PAX7: variants seen among roughly 807,000 people sequenced by gnomAD.
The protein encoded by PAX7 is paired box 7.
In PAX7, 18 loss-of-function variants were observed where a neutral mutation model predicts 50.7. The ratio of observed to expected loss-of-function variants is 0.36; its 90% confidence interval spans 0.25 to 0.53. PAX7 has a LOEUF of 0.53. Ranked by LOEUF, PAX7 falls within the 20% of genes least tolerant of loss-of-function variation. PAX7 has a pLI of 0.93. For missense variants in PAX7, 644 were observed against 702.9 expected (o/e 0.92, Z 0.95); for synonymous variants, 310 against 290.4 (o/e 1.07, Z -0.69).
chr1:18,698,695 G>A (rs890737907), intron 5 of PAX7, among the ~76,000 whole-genome samples: 1 of 152,138 alleles, frequency 6.6e-6, no homozygotes, highest in Non-Finnish European at 1.5e-5. Context: ...AGGGTGCCCC[G>A]GGGAAACCCT....
In PAX7 at chr1:18,700,880, C is replaced by G; in HGVS notation, c.952+62C>G. Reference sequence around the variant, plus strand: ...GCCCCTTCCCTTCTTTCTTTACTTTCACTTACAAAGGCTCTTCTTTTTTTT... The same window carrying G: ...GCCCCTTCCCTTCTTTCTTTACTTTGACTTACAAAGGCTCTTCTTTTTTTT... On this transcript the variant is annotated intron_variant, in intron 6 of 8. Transcript: ENST00000420770. This position sits in a 1 kb window ranked among gnomAD's most constrained non-coding sequence, Gnocchi z 4.8. The G allele has an allele frequency of 7.8e-7, 1 of 1,289,942 alleles. No homozygotes were observed. Among genetic ancestry groups the G allele is most frequent in the Non-Finnish European group, 1.0e-6 (1 of 991,118 alleles). The allele number at this position is 1,289,942 out of a possible 1,614,324, so 79.9% of individuals were successfully genotyped here. A position where few individuals can be genotyped will look rare whatever the true frequency, so the allele number is the denominator to read the frequency against.
At chr1:18,644,918 A>C (rs1455574211) in intron 4 of PAX7, among the ~76,000 whole-genome samples, 1 of 152,206 alleles carries the variant, frequency 6.6e-6, no homozygotes, top group Non-Finnish European at 1.5e-5. Flanking sequence ...TTTTTGGAGC[A>C]CCTACTAGGT....
intron 4 of PAX7, among the ~76,000 whole-genome samples, chr1:18,647,111 C>T (rs1341030793): frequency 1.3e-5 from 2 of 151,948 alleles, no homozygotes; most frequent in Non-Finnish European, 2.9e-5. Flanking sequence ...CACAACAAAA[C>T]CGAGCTCCGG....
Position 18,748,781 on chromosome 1 carries a change from G to A in PAX7, c.*3852G>A. 4.5e-6 allele frequency: 1 copy of A among 223,282 alleles called. No homozygotes were observed. Among genetic ancestry groups the A allele is most frequent in the Non-Finnish European group, 8.9e-6 (1 of 111,800 alleles). 13.8% of individuals were successfully genotyped at this position (223,282 alleles called of 1,614,324 possible). A position where few individuals can be genotyped will look rare whatever the true frequency, so the allele number is the denominator to read the frequency against. ...GAGTAGTAGACTAGAAAGAGAAACT[G>A]GTATTTGCTTTAACTACCTGCTGCT... On this transcript the variant is annotated 3_prime_UTR_variant, in exon 9 of 9. Coordinates refer to ENST00000420770, the MANE Select transcript of PAX7 (RefSeq NM_001135254.2).
intron 4 of PAX7, among the ~76,000 whole-genome samples, chr1:18,668,325 G>C (rs1033527706): frequency 6.6e-6 from 1 of 152,208 alleles, no homozygotes; most frequent in Non-Finnish European, 1.5e-5. Context: ...ATCTCACAGA[G>C]CTGTAAGGCA....
chr1:18,716,990 C>T (rs1420467671), intron 7 of PAX7, among the ~76,000 whole-genome samples: 1 of 145,692 alleles, frequency 6.9e-6, no homozygotes, highest in African/African-American at 2.5e-5. Context: ...GCGGCCGGAG[C>T]GGGGATCGGG....
chr1:18,639,827 C>A (rs1236958279), intron 4 of PAX7, among the ~76,000 whole-genome samples: 1 of 152,148 alleles, frequency 6.6e-6, no homozygotes, highest in Non-Finnish European at 1.5e-5. Context: ...TGACAGTGCA[C>A]CAGTTTAAGC....
chr1:18,630,889 C>A lies in PAX7; in HGVS notation c.-715C>A, dbSNP rs148556680. ...ACCCAGCTGATCACTCGCGCCCCCT[C>A]GCTTTTCCATTTCTCTTTCCCCAAC... On this transcript the variant is annotated 5_prime_UTR_variant, in exon 1 of 9. Coordinates refer to ENST00000420770, the MANE Select transcript of PAX7 (RefSeq NM_001135254.2). 5.3e-4 allele frequency: 101 copies of A among 189,284 alleles called. No homozygotes were observed. Among genetic ancestry groups the A allele is most frequent in the Non-Finnish European group, 1.0e-3 (91 of 89,940 alleles). The allele number at this position is 189,284 out of a possible 1,614,324, so 11.7% of individuals were successfully genotyped here. A position where few individuals can be genotyped will look rare whatever the true frequency, so the allele number is the denominator to read the frequency against.
chr1:18,719,265 T>C (rs1414817331), intron 7 of PAX7, among the ~76,000 whole-genome samples: 2 of 152,164 alleles, frequency 1.3e-5, no homozygotes, highest in African/African-American at 2.4e-5. Context: ...CTGGGAAATC[T>C]TTTCAAGCAT....
intron 4 of PAX7, among the ~76,000 whole-genome samples, chr1:18,685,285 T>C (rs2088958532): frequency 6.6e-6 from 1 of 152,204 alleles, no homozygotes; most frequent in South Asian, 2.1e-4. Context: ...GAGTGTTGTG[T>C]GCAAGTTCGG....
chr1:18,705,223 C>A (rs113419600), intron 7 of PAX7, among the ~76,000 whole-genome samples: 7 of 152,322 alleles, frequency 4.6e-5, no homozygotes, highest in African/African-American at 1.7e-4. Flanking sequence ...CCCCAGTTGG[C>A]TTCTTTGAGG....
chr1:18,635,071 C>A (rs747944975), intron 2 of PAX7, 40 bp from the exon 3 acceptor site: 4 of 1,607,526 alleles, frequency 2.5e-6, no homozygotes, highest in African/African-American at 2.7e-5. Flanking sequence ...TCCCCCCATC[C>A]CATCTTTCCA....
intron 7 of PAX7, among the ~76,000 whole-genome samples, chr1:18,704,393 G>A (rs2089258786): frequency 6.6e-6 from 1 of 152,186 alleles, no homozygotes; most frequent in Non-Finnish European, 1.5e-5. Context: ...GGCCGAGGCG[G>A]GTGGATCACC....
chr1:18,645,000 A>T (rs2088315240), intron 4 of PAX7, among the ~76,000 whole-genome samples: 1 of 152,246 alleles, frequency 6.6e-6, no homozygotes, highest in African/African-American at 2.4e-5. Flanking sequence ...CGGTGGAGAC[A>T]GAAAATAAAC....
At chr1:18,685,162 C>G (rs1022238784) in intron 4 of PAX7, among the ~76,000 whole-genome samples, 3 of 152,154 alleles carry the variant, frequency 2.0e-5, no homozygotes, top group Admixed American at 6.5e-5. Flanking sequence ...ACTTTGCAGC[C>G]CCACTGCCCT....
intron 7 of PAX7, among the ~76,000 whole-genome samples, chr1:18,724,685 C>T (rs965162670): frequency 6.6e-6 from 1 of 152,186 alleles, no homozygotes; most frequent in East Asian, 1.9e-4. Flanking sequence ...AGTTCAAATC[C>T]AACCCCCAGT....
In PAX7 at chr1:18,647,437, C is replaced by T. The variant is rs533517941; in HGVS notation, c.586+11066C>T. The stretch of plus-strand genomic sequence containing the variant: ...ATCCCCGCTGTGGTGGCCTGCGAAT[C>T]TGTGGTCACAGCTATAGTGGATGCT... On this transcript the variant is annotated intron_variant, in intron 4 of 8. Coordinates refer to ENST00000420770, the MANE Select transcript of PAX7 (RefSeq NM_001135254.2). 1.8e-3 allele frequency among the ~76,000 whole-genome samples: 226 copies of T among 125,246 alleles called. 1 individual carries two copies. The highest frequency in any genetic ancestry group is 0.013 in the South Asian group (46 of 3,618). The allele number at this position is 125,246 out of a possible 152,430, so 82.2% of individuals were successfully genotyped here.
At chr1:18,638,460 C>G (rs372630574) in intron 4 of PAX7, among the ~76,000 whole-genome samples, 16 of 152,322 alleles carry the variant, frequency 1.1e-4, no homozygotes, top group African/African-American at 3.8e-4. Context: ...AGGCTGAGGA[C>G]ACAGGTGCTA....
chr1:18,715,265 G>A (rs372013050), intron 7 of PAX7, among the ~76,000 whole-genome samples: 6 of 152,140 alleles, frequency 3.9e-5, no homozygotes, highest in African/African-American at 1.2e-4. Context: ...CCCCCCACAC[G>A]GTGGGTTAGC....
Sources: gnomAD v4.1 joint callset for allele counts (sites outside exome capture counted in the v4.1 genomes callset) on GRCh38, gnomAD v4.1.1 for gene constraint, Gnocchi (gnomAD v3.1) non-coding constraint, MANE v1.5 for transcripts, NCBI Gene and HGNC (gene_info 2026-07-23, HGNC 2026-07-21) for gene names.